Variants in PTPRN2 observed in about 807,000 individuals in gnomAD.
PTPRN2 encodes protein tyrosine phosphatase receptor type N2.
In PTPRN2, 74 loss-of-function variants were observed where a neutral mutation model predicts 118.8. That is an observed-to-expected ratio of 0.62 (90% CI 0.52 to 0.76). The LOEUF (loss-of-function observed/expected upper bound fraction) is 0.76, where lower values mean the gene tolerates loss of function less well. Ranked by LOEUF, PTPRN2 falls within the 30% of genes least tolerant of loss-of-function variation. The pLI is 0.00. For synonymous variants in PTPRN2, 641 were observed against 608.0 expected, an observed-to-expected ratio of 1.05 and a Z score of -0.80; for missense variants, 1,481 against 1,394.4, an observed-to-expected ratio of 1.06 and a Z score of -0.99.
rs146493906 is a variant in PTPRN2 at position 158,227,520 on chromosome 7, G to C, written c.278-22247C>G. Reference sequence around the variant, plus strand: ...CCTGACGTGTGACGGGAAGACCCCAGGTGGCGAGGAAGAAGTGTCGGGGAA... The same window carrying C: ...CCTGACGTGTGACGGGAAGACCCCACGTGGCGAGGAAGAAGTGTCGGGGAA... On this transcript the variant is annotated intron_variant, in intron 3 of 22. Coordinates refer to ENST00000389418, the MANE Select transcript of PTPRN2 (RefSeq NM_002847.5). 4.7e-3 allele frequency among the ~76,000 whole-genome samples: 721 copies of C among 152,290 alleles called. 8 individuals carry two copies. Among genetic ancestry groups the C allele is most frequent in the African/African-American group, 0.017 (688 of 41,556 alleles).
chr7:158,298,207 G>A (rs12667138), intron 3 of PTPRN2, among the ~76,000 whole-genome samples: 22,099 of 151,916 alleles, frequency 0.15, 1,969 homozygotes, highest in East Asian at 0.27. Flanking sequence ...TCATTTCTTC[G>A]TACCTATTTC....
At chr7:157,721,702 G>C (rs1799244297) in intron 12 of PTPRN2, among the ~76,000 whole-genome samples, 4 of 152,196 alleles carry the variant, frequency 2.6e-5, no homozygotes, top group Admixed American at 2.6e-4. Context: ...CTGCAGCACG[G>C]TTTCCTCACA....
intron 2 of PTPRN2, among the ~76,000 whole-genome samples, chr7:158,325,359 A>G (rs201644256): frequency 5.0e-5 from 2 of 40,056 alleles, no homozygotes; most frequent in Non-Finnish European, 9.7e-5. Flanking sequence ...ACTTTTACTT[A>G]TATGTCTTTT....
At chr7:158,300,189 T>C (rs753509075) in intron 3 of PTPRN2, among the ~76,000 whole-genome samples, 12 of 152,124 alleles carry the variant, frequency 7.9e-5, no homozygotes, top group Non-Finnish European at 1.3e-4. Flanking sequence ...GTCCATTTCA[T>C]AGAAACAAAT....
intron 3 of PTPRN2, among the ~76,000 whole-genome samples, chr7:158,250,776 A>C (rs1796604776): frequency 6.6e-6 from 1 of 152,224 alleles, no homozygotes; most frequent in South Asian, 2.1e-4. Flanking sequence ...TCTTAGCAGC[A>C]CTGTGCTATC....
intron 12 of PTPRN2, among the ~76,000 whole-genome samples, chr7:157,823,865 G>A (rs1807005331): frequency 6.6e-6 from 1 of 152,170 alleles, no homozygotes; most frequent in African/African-American, 2.4e-5. Flanking sequence ...TAACCAGCCT[G>A]TGTCTCTAAG....
chr7:157,671,114 T>C lies in PTPRN2; in HGVS notation c.2001+11611A>G, dbSNP rs2530411. ...GGTTTACATGCTCCCCCGCCCCCCG[T>C]CCCCTGCCCACAGACCTGCTCTTAC... On this transcript the variant is annotated intron_variant, in intron 13 of 22. Transcript: ENST00000389418. The surrounding 1 kb of genome is among the most constrained non-coding windows in gnomAD (Gnocchi z 4.1). Among the ~76,000 whole-genome samples the C allele has an allele frequency of 0.77, 115,817 of 149,562 alleles. 45,629 individuals are homozygous for C. The highest frequency in any genetic ancestry group is 0.86 in the Non-Finnish European group (58,084 of 67,426).
At chr7:157,714,624 G>A (rs1007311253) in intron 12 of PTPRN2, among the ~76,000 whole-genome samples, 2 of 152,152 alleles carry the variant, frequency 1.3e-5, no homozygotes, top group African/African-American at 2.4e-5. Flanking sequence ...GTATTTGCAG[G>A]AATCCCGACA....
chr7:157,709,543 C>A (rs1798494559), intron 12 of PTPRN2, among the ~76,000 whole-genome samples: 2 of 152,186 alleles, frequency 1.3e-5, no homozygotes, highest in Admixed American at 6.5e-5. Flanking sequence ...CAAGTGGGCA[C>A]CCCTCTGAGA....
At chr7:157,697,320 A>G (rs1413098558) in intron 12 of PTPRN2, among the ~76,000 whole-genome samples, 16 of 133,752 alleles carry the variant, frequency 1.2e-4, no homozygotes, top group East Asian at 5.1e-4. Context: ...AGCCCTCACC[A>G]TCTACCCATG....
intron 3 of PTPRN2, among the ~76,000 whole-genome samples, chr7:158,279,638 G>A (rs13230783): frequency 0.14 from 20,840 of 152,126 alleles, 1,594 homozygotes; most frequent in East Asian, 0.26. Context: ...TGCCAGGCCC[G>A]CTAAGCCCGT....
intron 1 of PTPRN2, among the ~76,000 whole-genome samples, chr7:158,494,612 G>A (rs1821694413): frequency 6.6e-6 from 1 of 152,164 alleles, no homozygotes; most frequent in Admixed American, 6.5e-5. Flanking sequence ...TTCCTGAGAG[G>A]GGCTCACTGA....
intron 12 of PTPRN2, among the ~76,000 whole-genome samples, chr7:157,823,553 T>C (rs372464385): frequency 6.6e-6 from 1 of 152,172 alleles, no homozygotes; most frequent in African/African-American, 2.4e-5. Flanking sequence ...GAGACTAGAA[T>C]TGGACTCCTA....
At chr7:158,533,603 C>T (rs1357761480) in intron 1 of PTPRN2, among the ~76,000 whole-genome samples, 2 of 152,182 alleles carry the variant, frequency 1.3e-5, no homozygotes, top group South Asian at 2.1e-4. Flanking sequence ...GGGGACGTCC[C>T]GCAGAGACCG....
chr7:157,772,955 C>G (rs570452467), intron 12 of PTPRN2, among the ~76,000 whole-genome samples: 2 of 152,312 alleles, frequency 1.3e-5, no homozygotes, highest in South Asian at 2.1e-4. Context: ...CGGGTGTACA[C>G]TGGGTACTGG....
chr7:158,562,076 G>C (rs1827426088), intron 1 of PTPRN2, among the ~76,000 whole-genome samples: 1 of 152,224 alleles, frequency 6.6e-6, no homozygotes, highest in African/African-American at 2.4e-5. Flanking sequence ...CTCTCTGTCA[G>C]GAAATGTCTT....
At position 157,622,693 on chromosome 7, in the gene PTPRN2, C is replaced by A. The variant is rs912331589; in HGVS notation, c.2197-1184G>T. Reference sequence around the variant, plus strand: ...GGGCACCTGTGCTGTTTGCGCGACACCCCCGCATCTGGGTGGGTGTGGTGG... The same window carrying A: ...GGGCACCTGTGCTGTTTGCGCGACAACCCCGCATCTGGGTGGGTGTGGTGG... On this transcript the variant is annotated intron_variant, in intron 14 of 22. Transcript: ENST00000389418. This position sits in a 1 kb window ranked among gnomAD's most constrained non-coding sequence, Gnocchi z 5.3. 1.3e-5 allele frequency among the ~76,000 whole-genome samples: 2 copies of A among 152,202 alleles called. No homozygotes were observed. Among genetic ancestry groups the A allele is most frequent in the African/African-American group, 2.4e-5 (1 of 41,446 alleles).
At chr7:157,580,716 T>C (rs1189852409) in intron 17 of PTPRN2, among the ~76,000 whole-genome samples, 52 of 20,402 alleles carry the variant, frequency 2.5e-3, no homozygotes, top group Admixed American at 5.7e-3. Context: ...CCCTCCACAC[T>C]CCAGCACCTG....
intron 12 of PTPRN2, among the ~76,000 whole-genome samples, chr7:157,684,416 G>T (rs1231079323): frequency 6.9e-6 from 1 of 144,890 alleles, no homozygotes; most frequent in African/African-American, 2.5e-5. Context: ...GGGAGAGGAG[G>T]CGCGGGGTGG....
Sources: allele counts gnomAD v4.1 joint callset (sites outside exome capture counted in the v4.1 genomes callset), GRCh38; gene constraint gnomAD v4.1.1; non-coding constraint Gnocchi (gnomAD v3.1); transcripts MANE v1.5; gene names NCBI Gene and HGNC (gene_info 2026-07-23, HGNC 2026-07-21).